CENPS: variants seen among roughly 807,000 people sequenced by gnomAD.
CENPS encodes centromere protein S, also known as FANCM associated histone fold protein 1.
In CENPS, 16 loss-of-function variants were observed where a neutral mutation model predicts 17.9. That is an observed-to-expected ratio of 0.90 (90% CI 0.61 to 1.36). CENPS has a LOEUF of 1.36. Ranked by LOEUF, CENPS falls within the 40% of genes most tolerant of loss-of-function variation. The pLI, the probability that CENPS is intolerant of heterozygous loss-of-function variation, is 0.00. For missense variants in CENPS, 160 were observed against 158.6 expected, an observed-to-expected ratio of 1.01 and a Z score of -0.05; for synonymous variants, 49 against 55.8, an observed-to-expected ratio of 0.88 and a Z score of 0.54.
At chr1:10,440,948 T>C (rs1309476009) in intron 4 of CENPS, among the ~76,000 whole-genome samples, 2 of 152,242 alleles carry the variant, frequency 1.3e-5, no homozygotes, top group African/African-American at 4.8e-5. Context: ...CTTTCCTGAC[T>C]GAGTGTAATG....
intron 4 of CENPS, 129 bp from the exon 5 acceptor site, chr1:10,442,136 A>G: frequency 1.6e-6 from 2 of 1,223,614 alleles, no homozygotes; most frequent in South Asian, 3.7e-5. Flanking sequence ...AATGTAACCC[A>G]GGCTTTGGCT....
chr1:10,439,647 C>G (rs1257046662), intron 3 of CENPS, among the ~76,000 whole-genome samples: 2 of 152,000 alleles, frequency 1.3e-5, no homozygotes, highest in Non-Finnish European at 2.9e-5. Context: ...AAGGCTGAGG[C>G]AGAGAATTGC....
At chr1:10,431,284 G>A (rs1474745017) in intron 1 of CENPS, 3 of 1,535,066 alleles carry the variant, frequency 2.0e-6, no homozygotes, top group South Asian at 2.4e-5. Context: ...CTGAAGAAAC[G>A]CGGGAATGAG....
chr1:10,436,975 A>T (rs923260058), intron 3 of CENPS, among the ~76,000 whole-genome samples: 2 of 152,174 alleles, frequency 1.3e-5, no homozygotes, highest in Non-Finnish European at 2.9e-5. Flanking sequence ...AGCTTTGGTT[A>T]TCTTGTGGAT....
In CENPS at chr1:10,431,506, G is replaced by A. The variant is rs1172377860; in HGVS notation, c.51+938G>A. On this transcript the variant is annotated intron_variant, in intron 1 of 4. Transcript: ENST00000309048. ...CAGCCCCGCGATTGGAGAATTAATT[G>A]CAGATATTTTGACACTTCGCCTTTA... 4 of 1,336,850 alleles carry A rather than the reference G, an allele frequency of 3.0e-6. No individual in the cohort carries two copies. In the African/African-American group the frequency reaches 5.9e-5, roughly 20 times the overall value. 82.8% of individuals were successfully genotyped at this position (1,336,850 alleles called of 1,614,324 possible).
chr1:10,442,284 A>G lies in CENPS; in HGVS notation c.296A>G (p.Lys99Arg), dbSNP rs769538389. ...SNSLLKYITD[K>R]SEEIAQINLE... is the part of the protein sequence containing the mutation. ...TTATAGCTAAAATACATCACAGACA[A>G]AAGTGAAGAGATTGCTCAGATTAAC... The change falls in exon 5 of 5, where the codon AAA (lysine) becomes AGA (arginine). Residue 99 changes from lysine to arginine, a missense_variant. Coordinates refer to ENST00000309048, the MANE Select transcript of CENPS (RefSeq NM_199294.3). The G allele has an allele frequency of 1.5e-5, 24 of 1,595,392 alleles. No homozygotes were observed. The highest frequency in any genetic ancestry group is 2.0e-5 in the Non-Finnish European group (24 of 1,175,518).
rs1386151795 is a variant in CENPS, at chr1:10,436,168, G to T, written c.209+1478G>T. ...AATTTTTGTATTTTTAGTAGAGATG[G>T]CGTTTCACCATGTTGGCCAGGGCGG... On this transcript the variant is annotated intron_variant, in intron 3 of 4. Coordinates refer to ENST00000309048, the MANE Select transcript of CENPS (RefSeq NM_199294.3). Among the ~76,000 whole-genome samples the T allele has an allele frequency of 4.0e-5, 6 of 151,372 alleles. No homozygotes were observed. In the East Asian group the frequency reaches 8.0e-4, roughly 20 times the overall value.
In CENPS at chr1:10,433,609, C is replaced by T. The variant is rs115449859; in HGVS notation, c.52-233C>T. On this transcript the variant is annotated intron_variant, in intron 1 of 4. Coordinates refer to ENST00000309048, the MANE Select transcript of CENPS (RefSeq NM_199294.3). The stretch of plus-strand genomic sequence containing the variant: ...TCCCCACTGACTTGCCATCTAATTT[C>T]TTATCTTTACCTGACATAAATCATA... Among the ~76,000 whole-genome samples the T allele has an allele frequency of 2.0e-3, 308 of 152,330 alleles. 1 individual carries two copies. The highest frequency in any genetic ancestry group is 7.0e-3 in the African/African-American group (292 of 41,572).
intron 3 of CENPS, 55 bp downstream of exon 3, chr1:10,434,745 C>T: frequency 6.5e-7 from 1 of 1,548,104 alleles, no homozygotes; most frequent in Non-Finnish European, 8.7e-7. Context: ...TTTGGGGCCT[C>T]TCCATCTGGT....
At chr1:10,432,632 G>C (rs1639973389) in intron 1 of CENPS, among the ~76,000 whole-genome samples, 1 of 152,104 alleles carries the variant, frequency 6.6e-6, no homozygotes, top group Admixed American at 6.6e-5. Flanking sequence ...CCCAGCCAGG[G>C]GGAGGGGAGG....
chr1:10,434,595 T>C, intron 2 of CENPS, 62 bp from the exon 3 acceptor site: 11 of 1,600,256 alleles, frequency 6.9e-6, no homozygotes, highest in Non-Finnish European at 6.8e-6. Flanking sequence ...GGCTTCACTT[T>C]TTCTGCTTCT....
In CENPS at chr1:10,434,618, G is replaced by T. The variant is rs1640065972; in HGVS notation, c.176-39G>T. On this transcript the variant is annotated intron_variant, in intron 2 of 4. Coordinates refer to ENST00000309048, the MANE Select transcript of CENPS (RefSeq NM_199294.3). ...TTTTTCTGCTTCTGAAATTAGATGG[G>T]AGGGTGCCTAAAGTGTGTATCTTTT... is the stretch of plus-strand genomic sequence containing the variant. 5.6e-6 allele frequency: 9 copies of T among 1,601,876 alleles called. No homozygotes were observed. The East Asian group carries it at 1.8e-4, about 32-fold the overall frequency.
intron 3 of CENPS, among the ~76,000 whole-genome samples, chr1:10,436,022 G>A (rs965954020): frequency 1.3e-5 from 2 of 151,308 alleles, no homozygotes; most frequent in African/African-American, 4.9e-5. Flanking sequence ...CTCTCGCCCA[G>A]GCGGGAGTGC....
intron 1 of CENPS, among the ~76,000 whole-genome samples, chr1:10,433,366 T>C (rs1640009512): frequency 6.6e-6 from 1 of 152,202 alleles, no homozygotes; most frequent in South Asian, 2.1e-4. Flanking sequence ...TTCTGTCCTC[T>C]GTGACGTGCA....
At position 10,430,707 on chromosome 1, in the gene CENPS, TTAACTGC is replaced by T. The variant is rs1639866361; in HGVS notation, c.51+140_51+146del. ...CCCCCGCGGCTGCGCATGCGTTGGCTTAACTGCCGCGGGTGGTGCTGGGAGGCGGTTT... is the reference window on the plus strand; with the variant it reads ...CCCCCGCGGCTGCGCATGCGTTGGCTCGCGGGTGGTGCTGGGAGGCGGTTT... On this transcript the variant is annotated intron_variant, in intron 1 of 4. Transcript: ENST00000309048. The T allele has an allele frequency of 1.5e-4, 55 of 364,548 alleles. No homozygotes were observed. In the Middle Eastern group the frequency reaches 2.6e-3, roughly 17 times the overall value. The allele number at this position is 364,548 out of a possible 1,614,324, so 22.6% of individuals were successfully genotyped here.
chr1:10,438,439 C>G (rs2124278508), intron 3 of CENPS, among the ~76,000 whole-genome samples: 1 of 152,358 alleles, frequency 6.6e-6, no homozygotes, highest in East Asian at 1.9e-4. Context: ...GCCGCCACAC[C>G]TGGCCTGAGT....
At chr1:10,431,000 G>T (rs1380010205) in intron 1 of CENPS, 1 of 1,292,054 alleles carries the variant, frequency 7.7e-7, no homozygotes, top group Non-Finnish European at 9.8e-7. Context: ...CGTTACTGAT[G>T]CAGGGACGCG....
At chr1:10,437,912 G>A (rs1640241692) in intron 3 of CENPS, among the ~76,000 whole-genome samples, 2 of 150,568 alleles carry the variant, frequency 1.3e-5, no homozygotes, top group South Asian at 2.1e-4. Flanking sequence ...ACAGGCAAAT[G>A]CCACCACACC....
At chr1:10,439,442 T>C (rs1640312977) in intron 3 of CENPS, among the ~76,000 whole-genome samples, 1 of 152,164 alleles carries the variant, frequency 6.6e-6, no homozygotes, top group Admixed American at 6.6e-5. Flanking sequence ...AGAAGCAGAC[T>C]CCAGTTTAAA....
Sources: gnomAD v4.1 joint callset for allele counts (sites outside exome capture counted in the v4.1 genomes callset) on GRCh38, gnomAD v4.1.1 for gene constraint, MANE v1.5 for transcripts, NCBI Gene and HGNC (gene_info 2026-07-23, HGNC 2026-07-21) for gene names.